ADGRA1: variants seen among roughly 807,000 people sequenced by gnomAD.
ADGRA1 encodes the protein G-protein coupled receptor 123.
In ADGRA1, 12 loss-of-function variants were observed where a neutral mutation model predicts 21.3. That is an observed-to-expected ratio of 0.56 (90% confidence interval 0.36 to 0.91). The LOEUF is 0.91. Among genes scored for constraint, ADGRA1 ranks in the 40% least tolerant of loss-of-function variants. The pLI is 0.01. For missense variants in ADGRA1, 790 were observed against 805.6 expected (o/e 0.98, Z 0.23); for synonymous variants, 385 against 368.8 (o/e 1.04, Z -0.50).
intron 2 of ADGRA1, among the ~76,000 whole-genome samples, chr10:133,092,798 A>AAGGAAGG (rs1851620467): frequency 1.3e-5 from 1 of 78,120 alleles, no homozygotes; most frequent in African/African-American, 5.4e-5. Context: ...AGGAAGGAAG[A>AAGGAAGG]GAGGGAGGGA....
chr10:133,106,668 G>A (rs536274031), intron 5 of ADGRA1, among the ~76,000 whole-genome samples: 68 of 152,400 alleles, frequency 4.5e-4, no homozygotes, highest in Non-Finnish European at 1.5e-4. Context: ...CGGGGGTACG[G>A]CAGCAGACAC....
intron 2 of ADGRA1, chr10:133,095,504 C>G: frequency 1.2e-6 from 1 of 854,332 alleles, no homozygotes; most frequent in Non-Finnish European, 1.7e-6. Context: ...CGCTCCTCTC[C>G]CAGGTGCCTT....
intron 3 of ADGRA1, 67 bp from the exon 4 acceptor site, chr10:133,098,573 G>C: frequency 6.5e-7 from 1 of 1,548,860 alleles, no homozygotes; most frequent in South Asian, 1.2e-5. Context: ...CGCCCCAGGG[G>C]GCTCCCTTCC....
Position 133,111,256 on chromosome 10 carries a change from A to G in ADGRA1, c.401+8414A>G, listed in dbSNP as rs1211186765. ...CCTAATCCCACCAGACAACCTGCCC[A>G]CCACAGGCACCTCCCTCCTAATCCC... On this transcript the variant is annotated intron_variant, in intron 5 of 6. Transcript: ENST00000392607. Among the ~76,000 whole-genome samples the G allele has an allele frequency of 1.4e-3, 113 of 82,766 alleles. 6 individuals are homozygous for G. The highest frequency in any genetic ancestry group is 2.7e-3 in the South Asian group (6 of 2,256). The allele number at this position is 82,766 out of a possible 152,430, so 54.3% of individuals were successfully genotyped here.
intron 6 of ADGRA1, 110 bp downstream of exon 6, chr10:133,127,441 G>T: frequency 1.2e-6 from 1 of 833,374 alleles, no homozygotes; most frequent in South Asian, 1.7e-5. Context: ...AGCAAGGCCT[G>T]GGCCTGGACC....
chr10:133,122,802 C>G lies in ADGRA1; in HGVS notation c.402-4431C>G, dbSNP rs927585478. On this transcript the variant is annotated intron_variant, in intron 5 of 6. Coordinates refer to ENST00000392607, the MANE Select transcript of ADGRA1 (RefSeq NM_001083909.3). ...TTGTCTTTCCTCCCGGTTCACCAGC[C>G]AGGCACACGCATCCCCAGGCACACG... Among the ~76,000 whole-genome samples, 3 of 151,952 alleles carry G rather than the reference C, an allele frequency of 2.0e-5. No individual in the cohort carries two copies. In the East Asian group the frequency reaches 5.8e-4, roughly 29 times the overall value.
chr10:133,124,752 C>T (rs1270135180), intron 5 of ADGRA1, among the ~76,000 whole-genome samples: 20 of 152,254 alleles, frequency 1.3e-4, no homozygotes, highest in Admixed American at 1.2e-3. Context: ...CCCCGGACAC[C>T]GGTGGGCCGA....
At chr10:133,125,487 G>C (rs1008479590) in intron 5 of ADGRA1, among the ~76,000 whole-genome samples, 34 of 152,248 alleles carry the variant, frequency 2.2e-4, no homozygotes, top group African/African-American at 7.0e-4. Flanking sequence ...GCAGTGGCGC[G>C]ATCTCGGCTC....
At chr10:133,122,874 A>C (rs1181296628) in intron 5 of ADGRA1, among the ~76,000 whole-genome samples, 1 of 145,298 alleles carries the variant, frequency 6.9e-6, no homozygotes, top group Non-Finnish European at 1.6e-5. Context: ...CCCAGGCTGC[A>C]CTGGCTTCGA....
At chr10:133,113,452 C>A (rs1286858935) in intron 5 of ADGRA1, among the ~76,000 whole-genome samples, 1 of 152,244 alleles carries the variant, frequency 6.6e-6, no homozygotes, top group Admixed American at 6.5e-5. Context: ...GGGGCTCCTT[C>A]AGCTGGGAAC....
intron 5 of ADGRA1, among the ~76,000 whole-genome samples, chr10:133,123,534 G>C (rs548036462): frequency 6.6e-6 from 1 of 152,286 alleles, no homozygotes; most frequent in East Asian, 1.9e-4. Context: ...TCCTGTAACT[G>C]TGTGTAGCTG....
intron 5 of ADGRA1, among the ~76,000 whole-genome samples, chr10:133,104,853 G>A (rs1851864722): frequency 6.6e-6 from 1 of 152,072 alleles, no homozygotes; most frequent in South Asian, 2.1e-4. Flanking sequence ...CTCCGTGGCT[G>A]GGCCTGGGGC....
chr10:133,100,527 C>T (rs887481116), intron 4 of ADGRA1, among the ~76,000 whole-genome samples: 3 of 152,206 alleles, frequency 2.0e-5, no homozygotes, highest in Admixed American at 6.5e-5. Context: ...GCGGTGACAG[C>T]TCGGGGCGGA....
intron 4 of ADGRA1, among the ~76,000 whole-genome samples, chr10:133,100,168 C>CCGCCTG (rs1851764811): frequency 2.0e-5 from 3 of 150,324 alleles, no homozygotes; most frequent in Admixed American, 6.6e-5. Context: ...GCCGTGCCCC[C>CCGCCTG]GGCCTGGGCC....
intron 5 of ADGRA1, among the ~76,000 whole-genome samples, chr10:133,106,114 T>A (rs559178003): frequency 6.6e-6 from 1 of 152,162 alleles, no homozygotes; most frequent in Non-Finnish European, 1.5e-5. Context: ...CCGCCCTGGG[T>A]CTGTGGAGGG....
chr10:133,122,041 G>C (rs1329922313), intron 5 of ADGRA1, among the ~76,000 whole-genome samples: 2 of 152,186 alleles, frequency 1.3e-5, no homozygotes, highest in African/African-American at 4.8e-5. Flanking sequence ...CAGTGTGTGA[G>C]AGTGGGGGGG....
chr10:133,114,591 C>T (rs977454725), intron 5 of ADGRA1, among the ~76,000 whole-genome samples: 17 of 152,264 alleles, frequency 1.1e-4, no homozygotes, highest in Middle Eastern at 3.4e-3. Context: ...TATCGAATGC[C>T]GAGGAGCCCA....
At chr10:133,107,025 T>C (rs1477743047) in intron 5 of ADGRA1, among the ~76,000 whole-genome samples, 1 of 152,280 alleles carries the variant, frequency 6.6e-6, no homozygotes. Context: ...CAGCAAAGCG[T>C]TGCTGTCTCC....
intron 5 of ADGRA1, among the ~76,000 whole-genome samples, chr10:133,107,529 T>C (rs2135884320): frequency 6.6e-6 from 1 of 152,320 alleles, no homozygotes; most frequent in South Asian, 2.1e-4. Context: ...ACTTCCTTTC[T>C]TCTGTTAGCA....
Sources: allele counts gnomAD v4.1 joint callset (sites outside exome capture counted in the v4.1 genomes callset), GRCh38; gene constraint gnomAD v4.1.1; transcripts MANE v1.5; gene names NCBI Gene and HGNC (gene_info 2026-07-23, HGNC 2026-07-21).